Variants in NHSL1 observed in about 807,000 individuals in gnomAD.
The protein encoded by NHSL1 is NHS-like protein 1.
In NHSL1, 48 loss-of-function variants were observed where a neutral mutation model predicts 95.0. That is an observed-to-expected ratio of 0.51 (90% CI 0.40 to 0.64). NHSL1 has a LOEUF of 0.64. Ranked by LOEUF, NHSL1 falls within the 30% of genes least tolerant of loss-of-function variation. The pLI is 0.00. For missense variants in NHSL1, 1,971 were observed against 2,077.7 expected (o/e 0.95, Z 1.00); for synonymous variants, 783 against 833.9 (o/e 0.94, Z 1.05).
intron 1 of NHSL1, among the ~76,000 whole-genome samples, chr6:138,556,868 G>C (rs1352425271): frequency 1.3e-5 from 2 of 152,044 alleles, no homozygotes; most frequent in Non-Finnish European, 2.9e-5. Flanking sequence ...ACAAGAACAT[G>C]AAATAGAAAT....
chr6:138,578,910 C>G (rs1267829832), intron 1 of NHSL1, among the ~76,000 whole-genome samples: 1 of 152,210 alleles, frequency 6.6e-6, no homozygotes, highest in African/African-American at 2.4e-5. Flanking sequence ...CTGTCCCTTA[C>G]AGCAGTGGTC....
intron 1 of NHSL1, among the ~76,000 whole-genome samples, chr6:138,593,989 T>C (rs780264427): frequency 2.0e-5 from 3 of 152,244 alleles, no homozygotes; most frequent in Non-Finnish European, 2.9e-5. Flanking sequence ...AGTATCTTCC[T>C]ATGCAAATAA....
At chr6:138,686,619 A>G (rs1310501284) in intron 1 of NHSL1, among the ~76,000 whole-genome samples, 3 of 152,258 alleles carry the variant, frequency 2.0e-5, no homozygotes, top group African/African-American at 7.2e-5. Context: ...TGGAAAGGCC[A>G]GTAGAGATTA....
At chr6:138,436,130 C>T (rs1364075775) in intron 5 of NHSL1, among the ~76,000 whole-genome samples, 1 of 151,932 alleles carries the variant, frequency 6.6e-6, no homozygotes, top group Admixed American at 6.6e-5. Context: ...AGGGTTCAAG[C>T]GAAAGGAAGA....
At chr6:138,692,621 G>T, upstream of NHSL1, 1 of 173,900 alleles carries the variant, frequency 5.8e-6, no homozygotes, top group Non-Finnish European at 1.2e-5. The surrounding 1 kb of genome is among the most constrained non-coding windows in gnomAD (Gnocchi z 4.0). Context: ...GCGACAGGTC[G>T]GCCAGCTGCG....
At chr6:138,680,625 TA>T in intron 1 of NHSL1, among the ~76,000 whole-genome samples, 1 of 152,212 alleles carries the variant, frequency 6.6e-6, no homozygotes, top group Non-Finnish European at 1.5e-5. Flanking sequence ...TCTTTTATTT[TA>T]TTTTTTTTAA....
At chr6:138,624,987 T>C (rs1287685100) in intron 1 of NHSL1, among the ~76,000 whole-genome samples, 1 of 151,994 alleles carries the variant, frequency 6.6e-6, no homozygotes, top group Non-Finnish European at 1.5e-5. Flanking sequence ...CAAAATATAG[T>C]GTGTGTGTGT....
Position 138,617,329 on chromosome 6 carries a change from C to T in NHSL1, c.96+75147G>A, listed in dbSNP as rs374573717. On this transcript the variant is annotated intron_variant, in intron 1 of 3. Transcript: ENST00000491526. ...CATGTACATGAAGTTGCCATTGCTC[C>T]TGTTTGCTACAAGAGAGACCTCACA... Among the ~76,000 whole-genome samples, 227 of 152,264 alleles carry T rather than the reference C, an allele frequency of 1.5e-3. 4 individuals are homozygous for T. In the South Asian group the frequency reaches 0.046, roughly 31 times the overall value.
intron 1 of NHSL1, among the ~76,000 whole-genome samples, chr6:138,562,735 A>G (rs1783460390): frequency 2.0e-5 from 3 of 152,074 alleles, no homozygotes; most frequent in Admixed American, 2.0e-4. Context: ...TGCCTATATA[A>G]TCCCTTCAAC....
At chr6:138,567,535 G>C (rs1333070436) in intron 1 of NHSL1, among the ~76,000 whole-genome samples, 2 of 152,038 alleles carry the variant, frequency 1.3e-5, no homozygotes, top group African/African-American at 4.8e-5. Context: ...AGCTGCTTTT[G>C]GTTTTTCATG....
intron 1 of NHSL1, among the ~76,000 whole-genome samples, chr6:138,664,673 G>A (rs1338867470): frequency 1.3e-5 from 2 of 152,222 alleles, no homozygotes; most frequent in Admixed American, 1.3e-4. Flanking sequence ...GAAAGATATA[G>A]GCAAACATAC....
At chr6:138,488,507 C>T (rs1237781196) in intron 2 of NHSL1, among the ~76,000 whole-genome samples, 2 of 152,006 alleles carry the variant, frequency 1.3e-5, no homozygotes, top group Non-Finnish European at 2.9e-5. Context: ...AATTATAACC[C>T]TAAAAATAAG....
intron 1 of NHSL1, among the ~76,000 whole-genome samples, chr6:138,517,985 T>C (rs975437302): frequency 3.3e-5 from 5 of 152,176 alleles, no homozygotes; most frequent in African/African-American, 1.2e-4. Context: ...AAGCGAACGT[T>C]GTTAGTTCTG....
chr6:138,448,664 G>T (rs73776965), intron 3 of NHSL1, among the ~76,000 whole-genome samples: 4,881 of 152,266 alleles, frequency 0.032, 231 homozygotes, highest in African/African-American at 0.1. Flanking sequence ...TGTTTGTGAG[G>T]ATTTATCTAA....
At position 138,644,815 on chromosome 6, in the gene NHSL1, C is replaced by T. The variant is rs185424272; in HGVS notation, c.96+47661G>A. On this transcript the variant is annotated intron_variant, in intron 1 of 3. Coordinates refer to the NHSL1 transcript ENST00000491526. The stretch of plus-strand genomic sequence containing the variant: ...CGGGTACATATTTTAAATGTATCTA[C>T]TAACTTAAAATGTTTGTTCTAGAGT... Among the ~76,000 whole-genome samples the T allele has an allele frequency of 1.3e-4, 20 of 152,316 alleles. No homozygotes were observed. The East Asian group carries it at 3.1e-3, about 23-fold the overall frequency.
At position 138,433,562 on chromosome 6, in the gene NHSL1, G is replaced by A; in HGVS notation, c.783C>T (p.Asp261=). The change falls in exon 6 of 8, where the codon GAC becomes GAT. Residue 261 remains aspartate (D), a synonymous_variant. Coordinates refer to ENST00000343505, the MANE Select transcript of NHSL1 (RefSeq NM_001144060.2). The part of the protein sequence containing the change: ...RSAGQRSETR[D]SSCQTEDVKV... Reference sequence around the variant, plus strand: ...TCACATCCTCCGTCTGACAGCTGGAGTCCCTGGTTTCTGAGCGCTGCCCAG... The same window carrying A: ...TCACATCCTCCGTCTGACAGCTGGAATCCCTGGTTTCTGAGCGCTGCCCAG... 6.4e-7 allele frequency: 1 copy of A among 1,552,012 alleles called. No homozygotes were observed. The highest frequency in any genetic ancestry group is 8.7e-7 in the Non-Finnish European group (1 of 1,147,058).
intron 1 of NHSL1, among the ~76,000 whole-genome samples, chr6:138,509,047 A>C (rs1781097334): frequency 6.6e-6 from 1 of 152,218 alleles, no homozygotes. Flanking sequence ...TGATGAACTC[A>C]ACTGTAAAGT....
chr6:138,561,375 C>T (rs1222569497), intron 1 of NHSL1, among the ~76,000 whole-genome samples: 2 of 152,114 alleles, frequency 1.3e-5, no homozygotes, highest in African/African-American at 4.8e-5. Flanking sequence ...AGCTTATTCC[C>T]TCCTCTTCCC....
intron 1 of NHSL1, among the ~76,000 whole-genome samples, chr6:138,497,478 A>C (rs1318996027): frequency 6.6e-6 from 1 of 152,212 alleles, no homozygotes; most frequent in Non-Finnish European, 1.5e-5. Flanking sequence ...CCATGTCCCC[A>C]ACATAACATG....
Sources: allele counts gnomAD v4.1 joint callset (sites outside exome capture counted in the v4.1 genomes callset), GRCh38; gene constraint gnomAD v4.1.1; non-coding constraint Gnocchi (gnomAD v3.1); transcripts MANE v1.5; gene names NCBI Gene and HGNC (gene_info 2026-07-23, HGNC 2026-07-21).